BMERB1: variants seen among roughly 807,000 people sequenced by gnomAD.
The protein encoded by BMERB1 is bMERB domain containing 1, also known as bMERB domain-containing protein 1.
BMERB1 carries 12 observed loss-of-function variants against 23.6 expected under a neutral mutation model. That is an observed-to-expected ratio of 0.51 (90% CI 0.33 to 0.82). The LOEUF is 0.82. Ranked by LOEUF, BMERB1 falls within the 40% of genes least tolerant of loss-of-function variation. The pLI, the probability that BMERB1 is intolerant of heterozygous loss-of-function variation, is 0.03. For missense variants in BMERB1, 247 were observed against 255.4 expected (o/e 0.97, Z 0.22); for synonymous variants, 122 against 96.6 (o/e 1.26, Z -1.54).
At chr16:15,448,179 T>C in intron 1 of BMERB1, 1 of 292,436 alleles carries the variant, frequency 3.4e-6, no homozygotes, top group Non-Finnish European at 6.7e-6. Context: ...CATGAGCCAC[T>C]GCGCCTGGCC....
At chr16:15,442,970 G>A (rs115985175) in intron 1 of BMERB1, among the ~76,000 whole-genome samples, 86 of 152,236 alleles carry the variant, frequency 5.6e-4, no homozygotes, top group African/African-American at 1.9e-3. Context: ...CCACAGGGCC[G>A]GGCGTGGTTG....
chr16:15,454,350 A>G (rs1449032869), intron 1 of BMERB1, among the ~76,000 whole-genome samples: 1 of 152,212 alleles, frequency 6.6e-6, no homozygotes. Context: ...AGGGAAGGAA[A>G]CCGAGGCAGT....
intron 2 of BMERB1, among the ~76,000 whole-genome samples, chr16:15,529,468 C>T (rs750596690): frequency 6.6e-6 from 1 of 152,156 alleles, no homozygotes; most frequent in Non-Finnish European, 1.5e-5. Flanking sequence ...CTTCCCCAGT[C>T]CCTGTCCCAT....
At chr16:15,576,301 C>T (rs1417910485) in intron 3 of BMERB1, among the ~76,000 whole-genome samples, 1 of 152,102 alleles carries the variant, frequency 6.6e-6, no homozygotes, top group African/African-American at 2.4e-5. Context: ...CCCGCCTCGG[C>T]CTACCAAAGT....
chr16:15,571,620 G>T (rs1277058396), intron 3 of BMERB1, among the ~76,000 whole-genome samples: 2 of 152,220 alleles, frequency 1.3e-5, no homozygotes, highest in African/African-American at 4.8e-5. Flanking sequence ...CTCCCAAAGT[G>T]CTAGGATTAC....
Position 15,587,791 on chromosome 16 carries a change from C to T in BMERB1, c.*962C>T, listed in dbSNP as rs550244675. 5.9e-5 allele frequency: 16 copies of T among 272,604 alleles called. No homozygotes were observed. Among genetic ancestry groups the T allele is most frequent in the African/African-American group, 3.1e-4 (14 of 44,512 alleles). The allele number at this position is 272,604 out of a possible 1,614,324, so 16.9% of individuals were successfully genotyped here. Reference sequence around the variant, plus strand: ...TGGCATATGTTAACTAGCTGCCAAACAACTTCAACCCGTGTAATTCATGTA... The same window carrying T: ...TGGCATATGTTAACTAGCTGCCAAATAACTTCAACCCGTGTAATTCATGTA... On this transcript the variant is annotated 3_prime_UTR_variant, in exon 6 of 6. Transcript: ENST00000300006.
At chr16:15,581,454 A>G (rs1407094617) in intron 4 of BMERB1, 123 bp downstream of exon 4, 14 of 720,216 alleles carry the variant, frequency 1.9e-5, no homozygotes, top group Non-Finnish European at 3.2e-5. Context: ...CTTGATCCAC[A>G]GTCTCTGGAC....
intron 3 of BMERB1, among the ~76,000 whole-genome samples, chr16:15,571,983 G>T (rs1567503722): frequency 1.3e-5 from 2 of 152,074 alleles, no homozygotes; most frequent in Non-Finnish European, 2.9e-5. Context: ...ACAGGCCGGG[G>T]ATCCTATTGC....
chr16:15,455,709 G>A (rs2051081317), intron 1 of BMERB1, among the ~76,000 whole-genome samples: 1 of 152,124 alleles, frequency 6.6e-6, no homozygotes, highest in African/African-American at 2.4e-5. Context: ...TGATCCACCA[G>A]CCTCAGCCTC....
intron 1 of BMERB1, among the ~76,000 whole-genome samples, chr16:15,468,102 T>TTTTTC (rs1410854051): frequency 1.3e-5 from 2 of 150,428 alleles, no homozygotes; most frequent in African/African-American, 2.4e-5. Flanking sequence ...TTTTTTTTAC[T>TTTTTC]TTTTCTTTTC....
At position 15,497,230 on chromosome 16, in the gene BMERB1, A is replaced by G. The variant is rs550028136; in HGVS notation, c.107-18075A>G. Among the ~76,000 whole-genome samples the G allele has an allele frequency of 3.3e-5, 5 of 152,280 alleles. No individual in the cohort carries two copies. The South Asian group carries it at 1.0e-3, about 32-fold the overall frequency. ...GAGCCAGTAACTCAGTCTCACATCC[A>G]TCTCCCTGACCAACTAAAATCAAGG... On this transcript the variant is annotated intron_variant, in intron 1 of 5. Transcript: ENST00000300006.
intron 2 of BMERB1, among the ~76,000 whole-genome samples, chr16:15,548,343 A>G (rs1389176306): frequency 6.6e-6 from 1 of 152,174 alleles, no homozygotes; most frequent in Non-Finnish European, 1.5e-5. Context: ...TCATCGCCAC[A>G]GGTAACCTTT....
intron 1 of BMERB1, among the ~76,000 whole-genome samples, chr16:15,481,513 T>A (rs1283240387): frequency 6.6e-6 from 1 of 151,138 alleles, no homozygotes; most frequent in Non-Finnish European, 1.5e-5. Flanking sequence ...GGCGACAGAG[T>A]AAGACTCCAT....
intron 1 of BMERB1, among the ~76,000 whole-genome samples, chr16:15,444,471 C>G (rs1446937477): frequency 6.6e-6 from 1 of 152,028 alleles, no homozygotes; most frequent in African/African-American, 2.4e-5. Context: ...TTCCCTAAGC[C>G]TCAGTTTCCT....
intron 1 of BMERB1, among the ~76,000 whole-genome samples, chr16:15,481,638 T>A (rs2051321348): frequency 6.6e-6 from 1 of 152,126 alleles, no homozygotes; most frequent in African/African-American, 2.4e-5. Context: ...TCTTTCCTTT[T>A]TAAAACCTAC....
At chr16:15,535,604 C>T (rs1430377152) in intron 2 of BMERB1, among the ~76,000 whole-genome samples, 4 of 145,820 alleles carry the variant, frequency 2.7e-5, no homozygotes, top group East Asian at 2.0e-4. Context: ...GAGCTGAGAT[C>T]GTGCCACAGT....
intron 1 of BMERB1, among the ~76,000 whole-genome samples, chr16:15,437,545 C>G (rs1017479046): frequency 6.6e-6 from 1 of 152,088 alleles, no homozygotes; most frequent in Non-Finnish European, 1.5e-5. Flanking sequence ...CTTTTTATAT[C>G]TTAACATTTT....
At chr16:15,489,693 C>T (rs1468584171) in intron 1 of BMERB1, among the ~76,000 whole-genome samples, 1 of 152,142 alleles carries the variant, frequency 6.6e-6, no homozygotes, top group Admixed American at 6.5e-5. Context: ...CTCCATGACT[C>T]ATGGTGGAGT....
chr16:15,442,868 T>C (rs2050952861), intron 1 of BMERB1, among the ~76,000 whole-genome samples: 1 of 152,154 alleles, frequency 6.6e-6, no homozygotes, highest in Non-Finnish European at 1.5e-5. Context: ...TGCTGGGTGC[T>C]GTAGAGATTA....
Sources: allele counts gnomAD v4.1 joint callset (sites outside exome capture counted in the v4.1 genomes callset), GRCh38; gene constraint gnomAD v4.1.1; transcripts MANE v1.5; gene names NCBI Gene and HGNC (gene_info 2026-07-23, HGNC 2026-07-21).